KIAA0232: variants seen among roughly 807,000 people sequenced by gnomAD.
The protein encoded by KIAA0232 is uncharacterized protein KIAA0232.
A neutral mutation model predicts 122.0 loss-of-function variants in KIAA0232; 27 were observed. The observed-to-expected ratio is 0.22, with a 90% CI of 0.16 to 0.31. The LOEUF (loss-of-function observed/expected upper bound fraction) is 0.31. KIAA0232 is among the 10% of genes least tolerant of loss of function. The pLI is 1.00. For synonymous variants in KIAA0232, 613 were observed against 587.6 expected (o/e 1.04, Z -0.63); for missense variants, 1,551 against 1,634.2 (o/e 0.95, Z 0.88).
At position 6,880,273 on chromosome 4, in the gene KIAA0232, GTGTCACTGCAAAC is replaced by G. The variant is rs1391508339; in HGVS notation, c.4009-512_4009-500del. ...GCAGTGTCCCCTCACCATCTGTACT[GTGTCACTGCAAAC>G]TCCCTTCCCAACACACAGGTCTGTA... On this transcript the variant is annotated intron_variant, in intron 9 of 9. Transcript: ENST00000307659. Among the ~76,000 whole-genome samples, 5 of 64,890 alleles carry G rather than the reference GTGTCACTGCAAAC, an allele frequency of 7.7e-5. 1 individual carries two copies. The highest frequency in any genetic ancestry group is 3.1e-4 in the African/African-American group (5 of 16,292). 42.6% of individuals were successfully genotyped at this position (64,890 alleles called of 152,430 possible).
At chr4:6,837,872 C>T (rs921497056) in intron 3 of KIAA0232, among the ~76,000 whole-genome samples, 1 of 151,738 alleles carries the variant, frequency 6.6e-6, no homozygotes. Context: ...CAGCACAGTC[C>T]AGCCTTGGCT....
At position 6,824,397 on chromosome 4, in the gene KIAA0232, C is replaced by T; in HGVS notation, c.-57C>T. 7.3e-7 allele frequency: 1 copy of T among 1,372,754 alleles called. No individual in the cohort carries two copies. Among genetic ancestry groups the T allele is most frequent in the Non-Finnish European group, 1.0e-6 (1 of 960,302 alleles). The allele number at this position is 1,372,754 out of a possible 1,614,324, so 85.0% of individuals were successfully genotyped here. On this transcript the variant is annotated 5_prime_UTR_variant, in exon 3 of 10. Transcript: ENST00000307659. ...AGTGAAAATCCCCTCCAGATACCAA[C>T]AGAATATCAACTGCAGAAAATGCTT... is the stretch of plus-strand genomic sequence containing the variant.
At chr4:6,800,005 G>A (rs1272016305) in intron 1 of KIAA0232, among the ~76,000 whole-genome samples, 1 of 136,778 alleles carries the variant, frequency 7.3e-6, no homozygotes, top group East Asian at 2.0e-4. Context: ...CTTTTGTTTT[G>A]CATATACTCT....
In KIAA0232 at chr4:6,861,516, T is replaced by C; in HGVS notation, c.1134T>C (p.Pro378=). Residue 378 remains proline (P), a synonymous_variant, in exon 7 of 10, where the codon CCT becomes CCC. Coordinates refer to ENST00000307659, the MANE Select transcript of KIAA0232 (RefSeq NM_014743.3). ...TAAAAGAAATAGGGAGAAAAGATCC[T>C]GGGAGCACTGAAGGAAAAGACCTGT... The part of the protein sequence containing the change: ...RPLKEIGRKD[P]GSTEGKDLYM... The C allele has an allele frequency of 1.2e-6, 2 of 1,614,038 alleles. No individual in the cohort carries two copies. The highest frequency in any genetic ancestry group is 1.7e-6 in the Non-Finnish European group (2 of 1,180,006).
chr4:6,868,157 T>G (rs1721285315), intron 7 of KIAA0232, among the ~76,000 whole-genome samples: 1 of 152,246 alleles, frequency 6.6e-6, no homozygotes. Context: ...GTGAAGCCTT[T>G]GTTTCCTTCA....
intron 6 of KIAA0232, 79 bp from the exon 7 acceptor site, chr4:6,860,822 C>A: frequency 8.3e-7 from 1 of 1,198,256 alleles, no homozygotes; most frequent in Non-Finnish European, 1.2e-6. Flanking sequence ...ATATTCCATT[C>A]TTCTGGTTGG....
intron 4 of KIAA0232, among the ~76,000 whole-genome samples, chr4:6,844,636 G>C (rs575803902): frequency 1.5e-3 from 228 of 152,012 alleles, no homozygotes; most frequent in Middle Eastern, 3.4e-3. Flanking sequence ...GGGTTTCACT[G>C]TGTTGGCCAG....
At chr4:6,795,660 A>G (rs1216383353) in intron 1 of KIAA0232, among the ~76,000 whole-genome samples, 1 of 152,142 alleles carries the variant, frequency 6.6e-6, no homozygotes, top group African/African-American at 2.4e-5. Flanking sequence ...TGGTACATTC[A>G]CAGCTTCTTG....
chr4:6,830,925 T>C (rs955117137), intron 3 of KIAA0232, among the ~76,000 whole-genome samples: 10 of 152,036 alleles, frequency 6.6e-5, no homozygotes, highest in African/African-American at 2.4e-4. Flanking sequence ...TTGGAGAGGA[T>C]GATTCTCCAA....
chr4:6,800,024 T>C (rs1469889712), intron 1 of KIAA0232, among the ~76,000 whole-genome samples: 1 of 124,214 alleles, frequency 8.1e-6, no homozygotes, highest in Non-Finnish European at 1.7e-5. Flanking sequence ...CTGTTTTCTT[T>C]TTCTTTCTTT....
At chr4:6,842,348 C>T (rs1265859730) in intron 4 of KIAA0232, 144 bp downstream of exon 4, 5 of 782,764 alleles carry the variant, frequency 6.4e-6, no homozygotes, top group East Asian at 5.8e-5. Flanking sequence ...TACCACTTTT[C>T]CTTTATGGTA....
chr4:6,858,316 G>A, intron 5 of KIAA0232, 109 bp from the exon 6 acceptor site: 1 of 629,882 alleles, frequency 1.6e-6, no homozygotes, highest in Non-Finnish European at 2.7e-6. Flanking sequence ...TGCCTTTTAA[G>A]CACCAAAGTC....
rs756910062 is a variant in KIAA0232 at position 6,864,090 on chromosome 4, C to T, written c.3708C>T (p.Cys1236=). Residue 1236 remains cysteine, a synonymous_variant, in exon 7 of 10, where the codon TGC becomes TGT. Coordinates refer to ENST00000307659, the MANE Select transcript of KIAA0232 (RefSeq NM_014743.3). The part of the protein sequence containing the change: ...SEANCKIMAQ[C]EEEINNFCGC... ...CAAATTGTAAAATAATGGCACAATG[C>T]GAGGAAGAAATTAATAATTTTTGTG... 28 of 1,613,898 alleles carry T rather than the reference C, an allele frequency of 1.7e-5. No individual in the cohort carries two copies. The highest frequency in any genetic ancestry group is 3.3e-4 in the Middle Eastern group (2 of 6,084).
At chr4:6,806,940 C>A (rs1383422155) in intron 2 of KIAA0232, among the ~76,000 whole-genome samples, 2 of 151,842 alleles carry the variant, frequency 1.3e-5, no homozygotes, top group East Asian at 3.9e-4. Context: ...TAATAGAAGT[C>A]TGTTTAGTAC....
chr4:6,878,165 A>G (rs966889336), intron 9 of KIAA0232, among the ~76,000 whole-genome samples: 5 of 152,212 alleles, frequency 3.3e-5, no homozygotes, highest in Non-Finnish European at 5.9e-5. Context: ...ACCTGAGGTC[A>G]GGAGTTCAAG....
rs146695483 is a variant in KIAA0232 at position 6,834,044 on chromosome 4, T to A, written c.232-8023T>A. On this transcript the variant is annotated intron_variant, in intron 3 of 9. Coordinates refer to ENST00000307659, the MANE Select transcript of KIAA0232 (RefSeq NM_014743.3). ...TTCTTCACTTTCCAACTTAGACCACTGACTTGGACAAGTTAACATCTCTGT... is the reference window on the plus strand; with the variant it reads ...TTCTTCACTTTCCAACTTAGACCACAGACTTGGACAAGTTAACATCTCTGT... 1.4e-3 allele frequency among the ~76,000 whole-genome samples: 213 copies of A among 152,292 alleles called. 1 individual carries two copies. Among genetic ancestry groups the A allele is most frequent in the Non-Finnish European group, 2.5e-3 (167 of 68,028 alleles).
At chr4:6,833,944 C>T (rs569784875) in intron 3 of KIAA0232, among the ~76,000 whole-genome samples, 8 of 152,180 alleles carry the variant, frequency 5.3e-5, no homozygotes, top group East Asian at 3.8e-4. Flanking sequence ...AGATTTCCCC[C>T]GCTTACTGTA....
At chr4:6,833,761 A>G (rs780459799) in intron 3 of KIAA0232, among the ~76,000 whole-genome samples, 1 of 152,266 alleles carries the variant, frequency 6.6e-6, no homozygotes, top group Non-Finnish European at 1.5e-5. Flanking sequence ...GGTATGAAAT[A>G]GCATATACAT....
Position 6,863,772 on chromosome 4 carries a change from A to G in KIAA0232, c.3390A>G (p.Lys1130=). The G allele has an allele frequency of 6.2e-7, 1 of 1,614,220 alleles. No individual in the cohort carries two copies. The highest frequency in any genetic ancestry group is 8.5e-7 in the Non-Finnish European group (1 of 1,180,040). ...GCGAGTCAGAATTTGAATCTGAGAA[A>G]GATGAAGCAAATATTCCCATTCCTT... ...GGSESEFESE[K]DEANIPIPSQ... is the part of the protein sequence containing the mutation. Residue 1130 remains lysine, a synonymous_variant, in exon 7 of 10, where the codon AAA becomes AAG. Coordinates refer to ENST00000307659, the MANE Select transcript of KIAA0232 (RefSeq NM_014743.3).
Sources: gnomAD v4.1 joint callset for allele counts (sites outside exome capture counted in the v4.1 genomes callset) on GRCh38, gnomAD v4.1.1 for gene constraint, MANE v1.5 for transcripts, NCBI Gene and HGNC (gene_info 2026-07-23, HGNC 2026-07-21) for gene names.